EIF3A: variants seen among roughly 807,000 people sequenced by gnomAD.
EIF3A encodes eukaryotic translation initiation factor 3 subunit A.
In EIF3A, 21 loss-of-function variants were observed where a neutral mutation model predicts 186.6. That is an observed-to-expected ratio of 0.11 (90% CI 0.08 to 0.16). The LOEUF is 0.16. Among genes scored for constraint, EIF3A ranks in the 10% least tolerant of loss-of-function variants. EIF3A has a pLI of 1.00. For missense variants in EIF3A, 1,306 were observed against 1,796.3 expected, an observed-to-expected ratio of 0.73 and a Z score of 4.93; for synonymous variants, 563 against 584.3, an observed-to-expected ratio of 0.96 and a Z score of 0.52.
intron 7 of EIF3A, among the ~76,000 whole-genome samples, chr10:119,063,669 C>A (rs900238267): frequency 6.6e-6 from 1 of 152,184 alleles, no homozygotes; most frequent in African/African-American, 2.4e-5. Context: ...TGATAAGAAT[C>A]CCTAGAATCT....
In EIF3A at chr10:119,038,159, C is replaced by T. The variant is rs547543478; in HGVS notation, c.3728+79G>A. On this transcript the variant is annotated intron_variant, in intron 20 of 21. Coordinates refer to ENST00000369144, the MANE Select transcript of EIF3A (RefSeq NM_003750.4). Reference sequence around the variant, plus strand: ...CTCGAACTCCTGAACTCAGGTGATCCGCCCTCCCAAAGTGCTGGGATTACA... The same window carrying T: ...CTCGAACTCCTGAACTCAGGTGATCTGCCCTCCCAAAGTGCTGGGATTACA... 192 of 1,257,924 alleles carry T rather than the reference C, an allele frequency of 1.5e-4. 2 individuals carry two copies. In the East Asian group the frequency reaches 4.0e-3, roughly 26 times the overall value. The allele number at this position is 1,257,924 out of a possible 1,614,324, so 77.9% of individuals were successfully genotyped here. A position where few individuals can be genotyped will look rare whatever the true frequency, so the allele number is the denominator to read the frequency against.
intron 1 of EIF3A, among the ~76,000 whole-genome samples, chr10:119,079,684 C>A (rs556983395): frequency 6.6e-6 from 1 of 152,012 alleles, no homozygotes; most frequent in Non-Finnish European, 1.5e-5. Flanking sequence ...TTGGAGAGAT[C>A]GGGGCACACA....
chr10:119,073,982 A>G (rs765362251), intron 1 of EIF3A, 45 bp from the exon 2 acceptor site: 281 of 1,468,384 alleles, frequency 1.9e-4, no homozygotes, highest in Non-Finnish European at 2.5e-4. Flanking sequence ...ACACTATACA[A>G]GAGTCTAAAC....
chr10:119,073,296 A>C, intron 3 of EIF3A, 145 bp downstream of exon 3: 1 of 705,510 alleles, frequency 1.4e-6, no homozygotes, highest in Non-Finnish European at 2.3e-6. Flanking sequence ...TACCTACATA[A>C]ATTAACTGGT....
At chr10:119,048,666 C>T (rs375975280) in intron 17 of EIF3A, among the ~76,000 whole-genome samples, 10 of 151,254 alleles carry the variant, frequency 6.6e-5, no homozygotes, top group East Asian at 1.9e-4. Flanking sequence ...TCTAAATTCA[C>T]GATTCTTTTT....
intron 17 of EIF3A, among the ~76,000 whole-genome samples, chr10:119,044,709 G>A (rs570787432): frequency 8.6e-5 from 13 of 151,992 alleles, no homozygotes; most frequent in Non-Finnish European, 1.3e-4. Context: ...TTAGCCAGGC[G>A]TGGTGGCAGG....
rs536094096 is a variant in EIF3A at position 119,046,200 on chromosome 10, G to A, written c.2659-2058C>T. ...AAGAATAGAGAAAAATTCTGTTTCCGAGGAATGAAACAGTATCTACAGAGT... is the reference window on the plus strand; with the variant it reads ...AAGAATAGAGAAAAATTCTGTTTCCAAGGAATGAAACAGTATCTACAGAGT... On this transcript the variant is annotated intron_variant, in intron 17 of 21. Transcript: ENST00000369144. 7.2e-5 allele frequency among the ~76,000 whole-genome samples: 11 copies of A among 152,234 alleles called. No homozygotes were observed. The South Asian group carries it at 2.1e-3, about 29-fold the overall frequency.
intron 14 of EIF3A, among the ~76,000 whole-genome samples, chr10:119,055,739 A>G (rs541890582): frequency 6.6e-6 from 1 of 152,258 alleles, no homozygotes; most frequent in East Asian, 1.9e-4. Flanking sequence ...CCTATATATA[A>G]TAAAATAAAA....
intron 7 of EIF3A, among the ~76,000 whole-genome samples, chr10:119,065,136 C>T (rs1843950378): frequency 6.6e-6 from 1 of 152,176 alleles, no homozygotes; most frequent in Admixed American, 6.5e-5. Context: ...CCCATCATTA[C>T]TTCTTCTCTT....
chr10:119,077,309 G>A (rs1310048005), intron 1 of EIF3A, among the ~76,000 whole-genome samples: 2 of 151,852 alleles, frequency 1.3e-5, no homozygotes, highest in Non-Finnish European at 2.9e-5. Flanking sequence ...AAATTAGCTG[G>A]GCATGGTGGG....
chr10:119,037,907 A>ATTTT (rs575308953), intron 20 of EIF3A, among the ~76,000 whole-genome samples: 55 of 93,144 alleles, frequency 5.9e-4, no homozygotes, highest in Non-Finnish European at 5.7e-4. Context: ...TTAAGAGGGA[A>ATTTT]TTTTTTTTTT....
At chr10:119,037,907 ATTTT>A (rs575308953) in intron 20 of EIF3A, among the ~76,000 whole-genome samples, 3 of 93,100 alleles carry the variant, frequency 3.2e-5, no homozygotes, top group Admixed American at 1.6e-4. Flanking sequence ...TTAAGAGGGA[ATTTT>A]TTTTTTTTTT....
chr10:119,075,661 T>TATAC (rs1401618695), intron 1 of EIF3A, among the ~76,000 whole-genome samples: 1 of 140,780 alleles, frequency 7.1e-6, no homozygotes, highest in Non-Finnish European at 1.5e-5. Flanking sequence ...CATATATATA[T>TATAC]ATATATCTCC....
In EIF3A at chr10:119,036,054, G is replaced by T. The variant is rs775993464; in HGVS notation, c.4134C>A (p.Thr1378=). The change falls in exon 22 of 22, where the codon ACC becomes ACA. Residue 1378 remains threonine (T), a synonymous_variant. Coordinates refer to ENST00000369144, the MANE Select transcript of EIF3A (RefSeq NM_003750.4). ...ATCTTGAGACTTAACGTCGTACTGT[G>T]GTCCATCCATCTTCATCAGTCTCAT... The part of the protein sequence containing the change: ...TKNETDEDGW[T]TVRR The T allele has an allele frequency of 3.7e-6, 6 of 1,613,158 alleles. No individual in the cohort carries two copies. The South Asian group carries it at 6.6e-5, about 18-fold the overall frequency.
In EIF3A at chr10:119,038,185, G is replaced by T. The variant is rs755130718; in HGVS notation, c.3728+53C>A. On this transcript the variant is annotated intron_variant, in intron 20 of 21. Coordinates refer to ENST00000369144, the MANE Select transcript of EIF3A (RefSeq NM_003750.4). The stretch of plus-strand genomic sequence containing the variant: ...GCCCTCCCAAAGTGCTGGGATTACA[G>T]GCATGAGCCACTGCGCCCGGCCTCT... 4.7e-6 allele frequency: 7 copies of T among 1,496,698 alleles called. No individual in the cohort carries two copies. In the South Asian group the frequency reaches 8.2e-5, roughly 18 times the overall value. 92.7% of individuals were successfully genotyped at this position (1,496,698 alleles called of 1,614,324 possible).
At chr10:119,075,266 T>C (rs912072833) in intron 1 of EIF3A, among the ~76,000 whole-genome samples, 5 of 152,128 alleles carry the variant, frequency 3.3e-5, no homozygotes, top group Admixed American at 3.3e-4. Flanking sequence ...AGACAACTTA[T>C]ATTCTTTTGA....
intron 10 of EIF3A, 100 bp downstream of exon 10, chr10:119,059,502 C>G (rs1843847102): frequency 7.6e-7 from 1 of 1,309,432 alleles, no homozygotes; most frequent in African/African-American, 1.5e-5. Context: ...ACTCAGTAAA[C>G]TTTAAAATGG....
At chr10:119,063,183 C>G (rs978956458) in intron 7 of EIF3A, among the ~76,000 whole-genome samples, 11 of 152,148 alleles carry the variant, frequency 7.2e-5, no homozygotes, top group African/African-American at 2.7e-4. Flanking sequence ...TCTCAAGACA[C>G]TGCTGTTGCT....
chr10:119,052,013 G>A (rs1389998762), intron 14 of EIF3A, among the ~76,000 whole-genome samples: 1 of 152,190 alleles, frequency 6.6e-6, no homozygotes, highest in African/African-American at 2.4e-5. Context: ...CTAAAGGATG[G>A]GGTGACTATG....
Sources: gnomAD v4.1 joint callset for allele counts (sites outside exome capture counted in the v4.1 genomes callset) on GRCh38, gnomAD v4.1.1 for gene constraint, MANE v1.5 for transcripts, NCBI Gene and HGNC (gene_info 2026-07-23, HGNC 2026-07-21) for gene names.